Variants in RBMS3 observed in about 807,000 individuals in gnomAD.
RBMS3 encodes the protein RNA-binding motif, single-stranded-interacting protein 3.
RBMS3 carries 27 observed loss-of-function variants against 66.8 expected under a neutral mutation model. That is an observed-to-expected ratio of 0.40 (90% CI 0.30 to 0.56). RBMS3 has a LOEUF of 0.56. RBMS3 is among the 20% of genes least tolerant of loss of function. The pLI is 0.40. For missense variants in RBMS3, 513 were observed against 549.5 expected (o/e 0.93, Z 0.66); for synonymous variants, 188 against 183.0 (o/e 1.03, Z -0.22).
intron 8 of RBMS3, among the ~76,000 whole-genome samples, chr3:29,889,903 T>A (rs145230325): frequency 2.5e-3 from 381 of 151,702 alleles, no homozygotes; most frequent in African/African-American, 8.3e-3. Context: ...TGTCCCCATG[T>A]AACATCTTAA....
chr3:29,377,670 T>C (rs2038547882), intron 1 of RBMS3, among the ~76,000 whole-genome samples: 1 of 152,312 alleles, frequency 6.6e-6, no homozygotes, highest in Non-Finnish European at 1.5e-5. Context: ...CTTTGGACCA[T>C]GTGTGCCCAC....
intron 1 of RBMS3, among the ~76,000 whole-genome samples, chr3:29,351,596 A>G (rs2036917079): frequency 6.6e-6 from 1 of 151,706 alleles, no homozygotes; most frequent in African/African-American, 2.4e-5. Context: ...GACTTTTTTG[A>G]GTTTTTTTTA....
At chr3:29,326,880 A>G (rs2035369086) in intron 1 of RBMS3, among the ~76,000 whole-genome samples, 9 of 151,850 alleles carry the variant, frequency 5.9e-5, no homozygotes, top group Admixed American at 5.9e-4. Flanking sequence ...ACAGACGTGC[A>G]CCACCACGCC....
At chr3:29,656,019 T>C (rs2050314546) in intron 4 of RBMS3, among the ~76,000 whole-genome samples, 1 of 152,148 alleles carries the variant, frequency 6.6e-6, no homozygotes, top group Non-Finnish European at 1.5e-5. Flanking sequence ...AGAAATATTT[T>C]TACAGCTATG....
At chr3:29,334,186 G>C (rs932355688) in intron 1 of RBMS3, among the ~76,000 whole-genome samples, 1 of 152,146 alleles carries the variant, frequency 6.6e-6, no homozygotes, top group Non-Finnish European at 1.5e-5. Context: ...TAAAGTCATA[G>C]TTGTTGCATT....
chr3:29,583,669 C>T (rs556675973), intron 3 of RBMS3, among the ~76,000 whole-genome samples: 15 of 152,182 alleles, frequency 9.9e-5, no homozygotes, highest in East Asian at 7.7e-4. Flanking sequence ...TTTCTAGATA[C>T]GCCCACCCTT....
chr3:29,706,851 C>T (rs952588168), intron 4 of RBMS3, among the ~76,000 whole-genome samples: 1 of 152,074 alleles, frequency 6.6e-6, no homozygotes, highest in African/African-American at 2.4e-5. Context: ...GTTAAGAGAA[C>T]TGAAGTCCCC....
At chr3:29,941,320 G>A (rs1481218872) in intron 11 of RBMS3, among the ~76,000 whole-genome samples, 1 of 151,692 alleles carries the variant, frequency 6.6e-6, no homozygotes, top group Non-Finnish European at 1.5e-5. Context: ...AGTTTGTTTA[G>A]ACATTGTTCT....
chr3:29,788,611 T>C (rs2056904580), intron 6 of RBMS3, among the ~76,000 whole-genome samples: 1 of 152,218 alleles, frequency 6.6e-6, no homozygotes, highest in African/African-American at 2.4e-5. Context: ...GTACAATATT[T>C]TTTATTTAAA....
chr3:29,463,160 G>T (rs1226909631), intron 2 of RBMS3, among the ~76,000 whole-genome samples: 1 of 152,156 alleles, frequency 6.6e-6, no homozygotes, highest in Non-Finnish European at 1.5e-5. Context: ...TGTGTCTCCA[G>T]AGCTTCTATT....
chr3:29,329,249 C>T (rs1490334135), intron 1 of RBMS3, among the ~76,000 whole-genome samples: 11 of 152,096 alleles, frequency 7.2e-5, no homozygotes, highest in African/African-American at 2.7e-4. Flanking sequence ...AGCATAACTG[C>T]ATCCATACTT....
At chr3:29,946,162 C>T (rs903736059) in intron 12 of RBMS3, among the ~76,000 whole-genome samples, 20 of 151,710 alleles carry the variant, frequency 1.3e-4, no homozygotes, top group African/African-American at 4.6e-4. Flanking sequence ...TAGAAATAGA[C>T]TTGCCTTTCC....
intron 2 of RBMS3, among the ~76,000 whole-genome samples, chr3:29,484,954 T>G (rs1234469624): frequency 6.6e-6 from 1 of 152,202 alleles, no homozygotes; most frequent in Non-Finnish European, 1.5e-5. Flanking sequence ...ATTTTCAGTC[T>G]CTGCCTGTAT....
In RBMS3 at chr3:29,908,172, G is replaced by A. The variant is rs534815016; in HGVS notation, c.939+8417G>A. Among the ~76,000 whole-genome samples the A allele has an allele frequency of 3.3e-5, 5 of 151,926 alleles. No homozygotes were observed. The South Asian group carries it at 1.0e-3, about 32-fold the overall frequency. On this transcript the variant is annotated intron_variant, in intron 10 of 14. Coordinates refer to ENST00000383767, the MANE Select transcript of RBMS3 (RefSeq NM_001003793.3). ...AAGCTGAGGTGGGAGGATTGTTTGA[G>A]GATAGAAGCTCAAGGCTACAGTAAG...
intron 12 of RBMS3, among the ~76,000 whole-genome samples, chr3:29,962,116 T>C (rs1696504042): frequency 6.7e-6 from 1 of 148,338 alleles, no homozygotes; most frequent in South Asian, 2.1e-4. Flanking sequence ...CTTTCTTTTA[T>C]GATTTCCTTC....
At chr3:29,375,294 A>T (rs1451917030) in intron 1 of RBMS3, among the ~76,000 whole-genome samples, 1 of 152,208 alleles carries the variant, frequency 6.6e-6, no homozygotes, top group Non-Finnish European at 1.5e-5. Flanking sequence ...GGCCATAGGC[A>T]CAGGCAAGTA....
chr3:29,547,321 G>A (rs547049523), intron 3 of RBMS3, among the ~76,000 whole-genome samples: 1 of 152,092 alleles, frequency 6.6e-6, no homozygotes, highest in African/African-American at 2.4e-5. Context: ...TACTGTGGGT[G>A]ACAATTATAA....
intron 1 of RBMS3, among the ~76,000 whole-genome samples, chr3:29,386,872 A>C (rs943446173): frequency 6.6e-6 from 1 of 152,214 alleles, no homozygotes; most frequent in Admixed American, 6.5e-5. Context: ...ACGTCATCAA[A>C]GATCTTTATG....
intron 2 of RBMS3, among the ~76,000 whole-genome samples, chr3:29,478,247 C>T (rs1212593857): frequency 6.6e-6 from 1 of 152,206 alleles, no homozygotes; most frequent in African/African-American, 2.4e-5. Context: ...CAAAATGCTA[C>T]AAACCTGGTG....
Sources: gnomAD v4.1 joint callset for allele counts (sites outside exome capture counted in the v4.1 genomes callset) on GRCh38, gnomAD v4.1.1 for gene constraint, MANE v1.5 for transcripts, NCBI Gene and HGNC (gene_info 2026-07-23, HGNC 2026-07-21) for gene names.